Variants in C11orf21 observed in about 807,000 individuals in gnomAD.
The protein encoded by C11orf21 is uncharacterized protein C11orf21.
C11orf21 carries 19 observed loss-of-function variants against 15.2 expected under a neutral mutation model. That is an observed-to-expected ratio of 1.25 (90% CI 0.87 to 1.84). The LOEUF is 1.84. C11orf21 is among the 40% of genes most tolerant of loss of function. The pLI is 0.00. For synonymous variants in C11orf21, 62 were observed against 66.8 expected (o/e 0.93, Z 0.35); for missense variants, 171 against 174.4 (o/e 0.98, Z 0.11).
At chr11:2,299,744 C>A in intron 2 of C11orf21, 37 bp from the exon 3 acceptor site, 4 of 1,545,946 alleles carry the variant, frequency 2.6e-6, no homozygotes, top group Non-Finnish European at 3.5e-6. Context: ...AGCGGGCGCA[C>A]CTGGGACCCA....
At chr11:2,302,354 G>A (rs537459861), upstream of C11orf21, 4 of 993,250 alleles carry the variant, frequency 4.0e-6, no homozygotes, top group Non-Finnish European at 5.4e-6. Flanking sequence ...TTGCAGACAT[G>A]TGTCCTGCCC....
Position 2,300,567 on chromosome 11 carries a change from G to T in C11orf21, c.100C>A (p.Pro34Thr), listed in dbSNP as rs753246458. 3.2e-6 allele frequency: 5 copies of T among 1,549,966 alleles called. No individual in the cohort carries two copies. The Admixed American group carries it at 7.9e-5, about 24-fold the overall frequency. ...GGGGTTCCCGTCCACCTGTCAGGGGGTTCGACGCCACTTTGAGATGACAAG... is the reference window on the plus strand; with the variant it reads ...GGGGTTCCCGTCCACCTGTCAGGGGTTTCGACGCCACTTTGAGATGACAAG... ...PHLSSQSGVEPPDRWTGTPGW... is the reference protein window; with the variant it reads ...PHLSSQSGVETPDRWTGTPGW... The change falls in exon 2 of 4, where the codon CCC (proline) becomes ACC (threonine). Residue 34 changes from proline to threonine, a missense_variant. By Grantham distance (38) the Pro-to-Thr change is conservative (BLOSUM62 -1). Transcript: ENST00000381153.
intron 3 of C11orf21, among the ~76,000 whole-genome samples, 169 bp downstream of exon 3, chr11:2,299,259 A>G (rs1452806814): frequency 6.6e-6 from 1 of 152,184 alleles, no homozygotes; most frequent in Non-Finnish European, 1.5e-5. Flanking sequence ...AAGGACAGAC[A>G]TGAGCCAGAT....
At chr11:2,298,572 G>C (rs1320218703) in intron 3 of C11orf21, among the ~76,000 whole-genome samples, 3 of 152,140 alleles carry the variant, frequency 2.0e-5, no homozygotes, top group Non-Finnish European at 4.4e-5. Context: ...AGGCCCGGGG[G>C]GTCACTCTGA....
rs1391137899 is a variant in C11orf21, at chr11:2,299,703, G to T, written c.152C>A (p.Ala51Asp). ...TPGWPSRDQE[A>D]PGSMMPPAAA... Reference sequence around the variant, plus strand: ...TGCAGGTGGCATCATTGAGCCAGGGGCCTCCTGGTGGGTAAGGACATTGTA... The same window carrying T: ...TGCAGGTGGCATCATTGAGCCAGGGTCCTCCTGGTGGGTAAGGACATTGTA... The change falls in exon 3 of 4, where the codon GCC becomes GAC. Residue 51 changes from alanine (A) to aspartate (D), a missense_variant. Ala to Asp is a moderately radical substitution (Grantham distance 126, BLOSUM62 -2). Transcript: ENST00000381153. The T allele has an allele frequency of 1.3e-6, 2 of 1,550,994 alleles. No individual in the cohort carries two copies. Among genetic ancestry groups the T allele is most frequent in the African/African-American group, 1.4e-5 (1 of 73,160 alleles).
rs572162969 is a variant in C11orf21, at chr11:2,295,693, C to T, written c.*2257G>A. 6.6e-6 allele frequency: 1 copy of T among 152,212 alleles called. No homozygotes were observed. Among genetic ancestry groups the T allele is most frequent in the South Asian group, 2.1e-4 (1 of 4,830 alleles). The allele number at this position is 152,212 out of a possible 1,614,324, so 9.4% of individuals were successfully genotyped here. On this transcript the variant is annotated 3_prime_UTR_variant, in exon 4 of 4. Coordinates refer to ENST00000381153, the MANE Select transcript of C11orf21 (RefSeq NM_001329958.2). This position sits in a 1 kb window ranked among gnomAD's most constrained non-coding sequence, Gnocchi z 5.4. ...TGGAGATATGCCATTACACATTTGC[C>T]CGAACTCACAGCATGTACAACAAGA...
chr11:2,299,704 C>A lies in C11orf21; in HGVS notation c.151G>T (p.Ala51Ser). The change falls in exon 3 of 4, where the codon GCC becomes TCC. Residue 51 changes from alanine (A) to serine (S), a missense_variant. By Grantham distance (99) the Ala-to-Ser change is moderately conservative. Coordinates refer to ENST00000381153, the MANE Select transcript of C11orf21 (RefSeq NM_001329958.2). Reference sequence around the variant, plus strand: ...GCAGGTGGCATCATTGAGCCAGGGGCCTCCTGGTGGGTAAGGACATTGTAG... The same window carrying A: ...GCAGGTGGCATCATTGAGCCAGGGGACTCCTGGTGGGTAAGGACATTGTAG... ...TPGWPSRDQE[A>S]PGSMMPPAAA... 1 of 1,550,946 alleles carries A rather than the reference C, an allele frequency of 6.4e-7. No homozygotes were observed. Among genetic ancestry groups the A allele is most frequent in the East Asian group, 2.4e-5 (1 of 40,904 alleles).
chr11:2,299,434 T>G lies in C11orf21; in HGVS notation c.*22A>C, dbSNP rs1234113079. On this transcript the variant is annotated 3_prime_UTR_variant, in exon 3 of 4. Coordinates refer to ENST00000381153, the MANE Select transcript of C11orf21 (RefSeq NM_001329958.2). ...TCAGAGCCCGGCTGCTCACCTCTGA[T>G]GGACAGAAAAGGGTCCCTGTCTCAG... 1.3e-6 allele frequency: 2 copies of G among 1,549,256 alleles called. No homozygotes were observed. Among genetic ancestry groups the G allele is most frequent in the African/African-American group, 1.4e-5 (1 of 73,122 alleles).
In C11orf21 at chr11:2,301,862, G is replaced by A; in HGVS notation, c.-54C>T. On this transcript the variant is annotated 5_prime_UTR_variant, in exon 1 of 4. Transcript: ENST00000381153. ...GTGGCCACACCAAGAACGAGGCCATGTCTTCCTGGGAAGGGCCTCAGATGT... is the reference window on the plus strand; with the variant it reads ...GTGGCCACACCAAGAACGAGGCCATATCTTCCTGGGAAGGGCCTCAGATGT... The A allele has an allele frequency of 6.5e-7, 1 of 1,550,140 alleles. No homozygotes were observed. Among genetic ancestry groups the A allele is most frequent in the Non-Finnish European group, 8.7e-7 (1 of 1,146,880 alleles).
chr11:2,300,019 C>T (rs1392205533), intron 2 of C11orf21, among the ~76,000 whole-genome samples: 3 of 145,496 alleles, frequency 2.1e-5, no homozygotes, highest in South Asian at 2.3e-4. Context: ...GGGCTGAACC[C>T]GCTGCTCGAG....
chr11:2,300,519 C>T lies in C11orf21; in HGVS notation c.147+1G>A, dbSNP rs1437135406. 7 of 1,546,318 alleles carry T rather than the reference C, an allele frequency of 4.5e-6. No homozygotes were observed. Among genetic ancestry groups the T allele is most frequent in the Non-Finnish European group, 6.1e-6 (7 of 1,144,978 alleles). ...CACAGTGAGGGGGGCTGTGGTCAGACCTGGTCTCTGGAGGGCCAGCCGGGG... is the reference window on the plus strand; with the variant it reads ...CACAGTGAGGGGGGCTGTGGTCAGATCTGGTCTCTGGAGGGCCAGCCGGGG... On this transcript the variant is annotated splice_donor_variant, in intron 2 of 3. Coordinates refer to ENST00000381153, the MANE Select transcript of C11orf21 (RefSeq NM_001329958.2). LOFTEE classifies it high-confidence loss of function.
chr11:2,299,548 T>C lies in C11orf21; in HGVS notation c.307A>G (p.Ile103Val), dbSNP rs1280249612. ...AAGTCCAAGTCCCATCCCAGCCGGA[T>C]AGCCAGGGGCAACTGCCCAGGTAAA... Reference protein sequence around the residue: ...LSLPGQLPLAIRLGWDLDLEA... With the variant: ...LSLPGQLPLAVRLGWDLDLEA... The change falls in exon 3 of 4, where the codon ATC (isoleucine) becomes GTC (valine). Residue 103 changes from isoleucine (I) to valine (V), a missense_variant. Physicochemically the swap from Ile to Val is conservative, Grantham distance 29. Coordinates refer to ENST00000381153, the MANE Select transcript of C11orf21 (RefSeq NM_001329958.2). 6.4e-7 allele frequency: 1 copy of C among 1,550,658 alleles called. No individual in the cohort carries two copies. Among genetic ancestry groups the C allele is most frequent in the East Asian group, 2.4e-5 (1 of 40,892 alleles).
rs1847619525 is a variant in C11orf21, at chr11:2,299,449, C to T, written c.*7G>A. 1.3e-6 allele frequency: 2 copies of T among 1,549,780 alleles called. No homozygotes were observed. Among genetic ancestry groups the T allele is most frequent in the African/African-American group, 1.4e-5 (1 of 73,032 alleles). On this transcript the variant is annotated 3_prime_UTR_variant, in exon 3 of 4. Transcript: ENST00000381153. Reference sequence around the variant, plus strand: ...TCACCTCTGATGGACAGAAAAGGGTCCCTGTCTCAGGAAGGTAGAGGCTGC... The same window carrying T: ...TCACCTCTGATGGACAGAAAAGGGTTCCTGTCTCAGGAAGGTAGAGGCTGC...
chr11:2,298,156 C>T (rs981389521), intron 3 of C11orf21, among the ~76,000 whole-genome samples: 34 of 152,208 alleles, frequency 2.2e-4, no homozygotes, highest in African/African-American at 8.2e-4. Flanking sequence ...CCTCCTAAAG[C>T]CTTCTCTCAC....
upstream of C11orf21, chr11:2,302,018 G>A (rs780797896): frequency 1.1e-5 from 17 of 1,491,650 alleles, no homozygotes; most frequent in Admixed American, 2.3e-5. Context: ...GTCCTAGGGC[G>A]ATGTTGACAG....
chr11:2,297,380 G>A lies in C11orf21; in HGVS notation c.*570C>T, dbSNP rs1202271151. On this transcript the variant is annotated 3_prime_UTR_variant, in exon 4 of 4. Coordinates refer to ENST00000381153, the MANE Select transcript of C11orf21 (RefSeq NM_001329958.2). ...AAGTCCACAGAGGTGTCTCATCCAG[G>A]CGGGTGAACACTCGTGTGTTGGGAG... is the stretch of plus-strand genomic sequence containing the variant. 1 of 152,328 alleles carries A rather than the reference G, an allele frequency of 6.6e-6. No individual in the cohort carries two copies. Among genetic ancestry groups the A allele is most frequent in the East Asian group, 1.9e-4 (1 of 5,198 alleles). 9.4% of individuals were successfully genotyped at this position (152,328 alleles called of 1,614,324 possible).
chr11:2,299,280 G>T (rs183173592), intron 3 of C11orf21, 148 bp downstream of exon 3: 3 of 808,480 alleles, frequency 3.7e-6, no homozygotes, highest in Non-Finnish European at 5.7e-6. Flanking sequence ...TCAGGTGCCC[G>T]CGTGGCCCCC....
chr11:2,295,993 A>G lies in C11orf21; in HGVS notation c.*1957T>C, dbSNP rs1245762072. ...TGATTTGCCCCAGTGATCAGTAGTC[A>G]TATCTGGAACAGCAGTTGCAATTGG... On this transcript the variant is annotated 3_prime_UTR_variant, in exon 4 of 4. Coordinates refer to ENST00000381153, the MANE Select transcript of C11orf21 (RefSeq NM_001329958.2). This position sits in a 1 kb window ranked among gnomAD's most constrained non-coding sequence, Gnocchi z 5.4. The G allele has an allele frequency of 6.6e-6, 1 of 152,202 alleles. No homozygotes were observed. Among genetic ancestry groups the G allele is most frequent in the Non-Finnish European group, 1.5e-5 (1 of 68,026 alleles). The allele number at this position is 152,202 out of a possible 1,614,324, so 9.4% of individuals were successfully genotyped here.
intron 2 of C11orf21, 119 bp downstream of exon 2, chr11:2,300,401 C>A (rs1476029819): frequency 4.3e-6 from 3 of 694,848 alleles, no homozygotes; most frequent in Admixed American, 5.9e-5. Context: ...CTCAACAAGC[C>A]ACTTCCTCTT....
Sources: allele counts gnomAD v4.1 joint callset (sites outside exome capture counted in the v4.1 genomes callset), GRCh38; gene constraint gnomAD v4.1.1; non-coding constraint Gnocchi (gnomAD v3.1); transcripts MANE v1.5; gene names NCBI Gene and HGNC (gene_info 2026-07-23, HGNC 2026-07-21).